Variants in NBEA observed in about 807,000 individuals in gnomAD.
NBEA encodes neurobeachin.
In NBEA, 44 loss-of-function variants were observed where a neutral mutation model predicts 343.4. That is an observed-to-expected ratio of 0.13 (90% CI 0.10 to 0.16). The LOEUF is 0.16. NBEA is among the 10% of genes least tolerant of loss of function. The pLI is 1.00. For synonymous variants in NBEA, 1,175 were observed against 1,238.7 expected, an observed-to-expected ratio of 0.95 and a Z score of 1.08; for missense variants, 2,555 against 3,631.3, an observed-to-expected ratio of 0.70 and a Z score of 7.62.
At chr13:35,356,123 T>C (rs1348952980) in intron 38 of NBEA, among the ~76,000 whole-genome samples, 2 of 152,126 alleles carry the variant, frequency 1.3e-5, no homozygotes, top group Non-Finnish European at 2.9e-5. Flanking sequence ...TATGCCCTTT[T>C]TTCAGTAATG....
At chr13:35,010,680 G>A (rs1276476814) in intron 1 of NBEA, among the ~76,000 whole-genome samples, 1 of 138,410 alleles carries the variant, frequency 7.2e-6, no homozygotes, top group African/African-American at 2.7e-5. Flanking sequence ...GTCCGGGAAT[G>A]GGAATTCAAG....
chr13:35,405,131 AT>A (rs1566083784), intron 38 of NBEA, among the ~76,000 whole-genome samples: 1 of 152,276 alleles, frequency 6.6e-6, no homozygotes, highest in East Asian at 1.9e-4. Flanking sequence ...ACAAATCTGG[AT>A]TTTTTGAAAA....
At chr13:35,153,688 A>C (rs753242138) in intron 18 of NBEA, among the ~76,000 whole-genome samples, 4 of 152,230 alleles carry the variant, frequency 2.6e-5, no homozygotes, top group Non-Finnish European at 5.9e-5. Context: ...GTAGGGACTT[A>C]AAAAGACAAT....
chr13:35,609,890 G>T (rs1407320172), intron 48 of NBEA, among the ~76,000 whole-genome samples: 1 of 152,158 alleles, frequency 6.6e-6, no homozygotes, highest in Non-Finnish European at 1.5e-5. Context: ...GTGAGAAGCT[G>T]CCTGCTCTGT....
intron 1 of NBEA, among the ~76,000 whole-genome samples, chr13:35,021,623 C>CTTT (rs568108394): frequency 7.4e-5 from 11 of 148,086 alleles, no homozygotes; most frequent in South Asian, 2.1e-4. Flanking sequence ...ATTAACTACA[C>CTTT]TTTTTTTTTT....
chr13:35,438,373 A>G (rs1056080865), intron 39 of NBEA, among the ~76,000 whole-genome samples: 1 of 152,238 alleles, frequency 6.6e-6, no homozygotes, highest in African/African-American at 2.4e-5. Flanking sequence ...ATTTTCAGCC[A>G]TCAAGAATAA....
intron 34 of NBEA, among the ~76,000 whole-genome samples, chr13:35,265,229 G>A (rs918972950): frequency 8.6e-5 from 13 of 151,732 alleles, no homozygotes; most frequent in East Asian, 3.9e-4. Context: ...AAGAAATGGC[G>A]GAAGACACAA....
chr13:35,134,359 T>TA, intron 17 of NBEA, among the ~76,000 whole-genome samples: 1 of 147,954 alleles, frequency 6.8e-6, no homozygotes, highest in South Asian at 2.1e-4. Flanking sequence ...AAAGAAGATA[T>TA]ACAAAAAAAA....
intron 11 of NBEA, among the ~76,000 whole-genome samples, chr13:35,098,613 AAAT>A (rs1407086251): frequency 3.3e-5 from 5 of 152,210 alleles, no homozygotes; most frequent in African/African-American, 1.2e-4. Context: ...AAAAAAATCT[AAAT>A]AAAAAATTTA....
intron 38 of NBEA, among the ~76,000 whole-genome samples, chr13:35,367,109 AATC>A (rs1411980451): frequency 2.6e-5 from 4 of 151,320 alleles, no homozygotes; most frequent in Non-Finnish European, 5.9e-5. Flanking sequence ...ATCTGTGAAA[AATC>A]ATAGAATTTA....
chr13:35,375,826 G>A (rs1035307123), intron 38 of NBEA, among the ~76,000 whole-genome samples: 4 of 151,978 alleles, frequency 2.6e-5, no homozygotes, highest in Admixed American at 6.6e-5. Flanking sequence ...AACATTAGAC[G>A]TAATTTCTCA....
intron 34 of NBEA, among the ~76,000 whole-genome samples, chr13:35,278,947 G>T (rs1019330055): frequency 1.3e-5 from 2 of 152,032 alleles, no homozygotes; most frequent in Admixed American, 1.3e-4. Flanking sequence ...TTTGAATATT[G>T]TATAACTTTT....
chr13:35,117,684 T>C (rs2066569640), intron 14 of NBEA, among the ~76,000 whole-genome samples, 191 bp downstream of exon 14: 1 of 151,994 alleles, frequency 6.6e-6, no homozygotes, highest in Non-Finnish European at 1.5e-5. Flanking sequence ...AAATCTTCCC[T>C]ATTAAGGGAT....
intron 11 of NBEA, among the ~76,000 whole-genome samples, chr13:35,108,851 T>C (rs2066046625): frequency 6.6e-6 from 1 of 152,128 alleles, no homozygotes; most frequent in Admixed American, 6.6e-5. Flanking sequence ...AGAGTATTTA[T>C]GGAGAAGAGA....
Position 35,625,105 on chromosome 13 carries a change from A to C in NBEA, c.7450-2976A>C, listed in dbSNP as rs528650242. On this transcript the variant is annotated intron_variant, in intron 48 of 58. Transcript: ENST00000379939. ...AGATTAATTAAAGATCAAAATATGA[A>C]AAGTAAAACCATAAATATAAAGCTA... Among the ~76,000 whole-genome samples the C allele has an allele frequency of 5.3e-5, 8 of 152,312 alleles. No individual in the cohort carries two copies. The South Asian group carries it at 6.2e-4, about 12-fold the overall frequency.
intron 1 of NBEA, among the ~76,000 whole-genome samples, chr13:35,010,576 CAAAAA>C (rs1194549300): frequency 1.5e-5 from 1 of 64,742 alleles, no homozygotes; most frequent in African/African-American, 5.7e-5. Flanking sequence ...GACCCTGTCT[CAAAAA>C]AAAAAAAAAA....
chr13:35,425,844 A>T (rs1464300798), intron 38 of NBEA, among the ~76,000 whole-genome samples: 1 of 152,146 alleles, frequency 6.6e-6, no homozygotes, highest in Admixed American at 6.6e-5. Context: ...TATTGGGTGC[A>T]TATATATTTA....
At chr13:35,124,358 G>A (rs2066964961) in intron 17 of NBEA, among the ~76,000 whole-genome samples, 1 of 150,262 alleles carries the variant, frequency 6.7e-6, no homozygotes, top group African/African-American at 2.4e-5. Flanking sequence ...AAGCTGTATA[G>A]CCTAGAAGTT....
At chr13:35,534,848 G>T (rs943405200) in intron 41 of NBEA, among the ~76,000 whole-genome samples, 1 of 152,120 alleles carries the variant, frequency 6.6e-6, no homozygotes, top group Non-Finnish European at 1.5e-5. Flanking sequence ...CAAATTATGT[G>T]TTATGCCAAC....
Sources: allele counts gnomAD v4.1 joint callset (sites outside exome capture counted in the v4.1 genomes callset), GRCh38; gene constraint gnomAD v4.1.1; transcripts MANE v1.5; gene names NCBI Gene and HGNC (gene_info 2026-07-23, HGNC 2026-07-21).